Variants in POU2F2 observed in about 807,000 individuals in gnomAD.
POU2F2 encodes POU class 2 homeobox 2.
A neutral mutation model predicts 63.5 loss-of-function variants in POU2F2; 14 were observed. The ratio of observed to expected loss-of-function variants is 0.22; its 90% CI spans 0.15 to 0.34. The LOEUF is 0.34. Among genes scored for constraint, POU2F2 ranks in the 10% least tolerant of loss-of-function variants. The pLI is 1.00. For synonymous variants in POU2F2, 306 were observed against 348.6 expected (o/e 0.88, Z 1.36); for missense variants, 607 against 815.2 (o/e 0.74, Z 3.11).
chr19:42,090,398 C>T lies in POU2F2; in HGVS notation c.*859G>A, dbSNP rs1316497217. 2 of 152,424 alleles carry T rather than the reference C, an allele frequency of 1.3e-5. No individual in the cohort carries two copies. The highest frequency in any genetic ancestry group is 2.9e-5 in the Non-Finnish European group (2 of 68,042). 9.4% of individuals were successfully genotyped at this position (152,424 alleles called of 1,614,324 possible). A position where few individuals can be genotyped will look rare whatever the true frequency, so the allele number is the denominator to read the frequency against. On this transcript the variant is annotated 3_prime_UTR_variant, in exon 15 of 15. Coordinates refer to ENST00000692977, the MANE Select transcript of POU2F2 (RefSeq NM_001394376.1). The surrounding 1 kb of genome is among the most constrained non-coding windows in gnomAD (Gnocchi z 4.4). ...CTAGAACTTGGCAAAATGGCCTAGCCCACCCTTCAAAGGGGAAAAGAGGGA... is the reference window on the plus strand; with the variant it reads ...CTAGAACTTGGCAAAATGGCCTAGCTCACCCTTCAAAGGGGAAAAGAGGGA...
In POU2F2 at chr19:42,117,350, G is replaced by C. The variant is rs145313361; in HGVS notation, c.269C>G (p.Pro90Arg). 3 of 1,532,538 alleles carry C rather than the reference G, an allele frequency of 2.0e-6. No individual in the cohort carries two copies. The highest frequency in any genetic ancestry group is 2.6e-6 in the Non-Finnish European group (3 of 1,151,992). The allele number at this position is 1,532,538 out of a possible 1,614,324, so 94.9% of individuals were successfully genotyped here. A position where few individuals can be genotyped will look rare whatever the true frequency, so the allele number is the denominator to read the frequency against. ...LSPPQIKAED[P>R]SGDSAPAAPL... is the part of the protein sequence containing the mutation. ...TGCTGCTGGGGCTGAATCGCCACTG[G>C]GGTCTTCAGCCTTGATCTGGGGGGG... Residue 90 changes from proline to arginine, a missense_variant, in exon 5 of 15, where the codon CCC becomes CGC. Transcript: ENST00000692977. The surrounding 1 kb of genome is among the most constrained non-coding windows in gnomAD (Gnocchi z 4.4).
At position 42,095,764 on chromosome 19, in the gene POU2F2, G is replaced by A. The variant is rs745479404; in HGVS notation, c.871+24C>T. 1 of 1,613,684 alleles carries A rather than the reference G, an allele frequency of 6.2e-7. No homozygotes were observed. The highest frequency in any genetic ancestry group is 8.5e-7 in the Non-Finnish European group (1 of 1,179,908). On this transcript the variant is annotated intron_variant, in intron 9 of 14. Coordinates refer to ENST00000692977, the MANE Select transcript of POU2F2 (RefSeq NM_001394376.1). This position sits in a 1 kb window ranked among gnomAD's most constrained non-coding sequence, Gnocchi z 7.1. ...CCAGCGGCCACTGCCCGCCCCCTAC[G>A]CGGGAACCCCAGCCTGGTCCCACCT...
intron 5 of POU2F2, among the ~76,000 whole-genome samples, chr19:42,106,264 C>A (rs947487343): frequency 2.0e-5 from 3 of 151,850 alleles, no homozygotes; most frequent in African/African-American, 7.3e-5. Context: ...CCCACCATGC[C>A]CATGCCCAGC....
intron 5 of POU2F2, among the ~76,000 whole-genome samples, chr19:42,106,904 T>G (rs550858135): frequency 1.3e-5 from 2 of 151,880 alleles, no homozygotes; most frequent in East Asian, 3.9e-4. Context: ...TGCATGCCTG[T>G]GGTCCCAGCT....
rs2034580354 is a variant in POU2F2, at chr19:42,162,986, C to A, written c.-69-2594G>T. ...CTCTCAGCATCTCACATTTGTTCGG[C>A]GAGTGTCATCCCATGACACTGCTGT... is the stretch of plus-strand genomic sequence containing the variant. On this transcript the variant is annotated intron_variant, in intron 1 of 6. Coordinates refer to the POU2F2 transcript ENST00000524801. The surrounding 1 kb of genome is among the most constrained non-coding windows in gnomAD (Gnocchi z 4.1). Among the ~76,000 whole-genome samples, 2 of 152,084 alleles carry A rather than the reference C, an allele frequency of 1.3e-5. No individual in the cohort carries two copies. The highest frequency in any genetic ancestry group is 4.8e-5 in the African/African-American group (2 of 41,412).
At chr19:42,110,790 G>C (rs76426135) in intron 5 of POU2F2, 1 of 454,808 alleles carries the variant, frequency 2.2e-6, no homozygotes, top group Non-Finnish European at 4.4e-6. Context: ...AATATGTGTA[G>C]AATGTTTAGC....
intron 2 of POU2F2, among the ~76,000 whole-genome samples, chr19:42,159,767 G>A (rs751489632): frequency 1.3e-5 from 2 of 152,170 alleles, no homozygotes; most frequent in Non-Finnish European, 2.9e-5. Context: ...GCAGCCACAC[G>A]ATTTCAAGGA....
chr19:42,166,671 A>T (rs2034657731), intron 1 of POU2F2, among the ~76,000 whole-genome samples: 1 of 151,826 alleles, frequency 6.6e-6, no homozygotes, highest in East Asian at 1.9e-4. Flanking sequence ...AGTAAGGAGG[A>T]GTTGATTGGA....
Position 42,117,128 on chromosome 19 carries a change from G to T in POU2F2, c.369+122C>A. The stretch of plus-strand genomic sequence containing the variant: ...ACAAGACCTCCTAGAGGACAGAAGA[G>T]GGCAAGAGGCAGGTGTGAGAGAGTG... On this transcript the variant is annotated intron_variant, in intron 5 of 14. Transcript: ENST00000692977. This position sits in a 1 kb window ranked among gnomAD's most constrained non-coding sequence, Gnocchi z 4.4. 2.4e-6 allele frequency: 2 copies of T among 829,204 alleles called. No individual in the cohort carries two copies. Among genetic ancestry groups the T allele is most frequent in the South Asian group, 1.7e-5 (1 of 57,464 alleles). The allele number at this position is 829,204 out of a possible 1,614,324, so 51.4% of individuals were successfully genotyped here.
In POU2F2 at chr19:42,090,492, G is replaced by A. The variant is rs2076677106; in HGVS notation, c.*765C>T. The stretch of plus-strand genomic sequence containing the variant: ...CTCCCCTGCTGGGGGGAGGGAGGAG[G>A]TTAAAGCAAGACCCCCTGCCCAGGT... On this transcript the variant is annotated 3_prime_UTR_variant, in exon 15 of 15. Transcript: ENST00000692977. The surrounding 1 kb of genome is among the most constrained non-coding windows in gnomAD (Gnocchi z 4.4). The A allele has an allele frequency of 6.5e-6, 1 of 152,698 alleles. No individual in the cohort carries two copies. The highest frequency in any genetic ancestry group is 1.5e-5 in the Non-Finnish European group (1 of 68,062). The allele number at this position is 152,698 out of a possible 1,614,324, so 9.5% of individuals were successfully genotyped here.
At chr19:42,091,749 A>G (rs1196156300) in intron 14 of POU2F2, 118 bp downstream of exon 14, 1 of 1,550,032 alleles carries the variant, frequency 6.5e-7, no homozygotes, top group East Asian at 2.4e-5. Flanking sequence ...ATGGGTATGA[A>G]GAGGCAAGCA....
upstream of POU2F2, among the ~76,000 whole-genome samples, chr19:42,179,266 G>A (rs1468327879): frequency 6.6e-6 from 1 of 151,790 alleles, no homozygotes. Flanking sequence ...GGAGAGGAGG[G>A]GAAGAAAGAG....
rs754325888 is a variant in POU2F2 at position 42,092,132 on chromosome 19, G to A, written c.1403C>T (p.Thr468Ile). ...GTGGCTGCCTTGAGGGCTGGGGTTT[G>A]TGCTGTTGGTGGTGGCCGGGGGTGG... The part of the protein sequence containing the change: ...TPPPPATTNS[T>I]NPSPQGSHSA... The change falls in exon 13 of 15, where the codon ACA becomes ATA. Residue 468 changes from threonine to isoleucine, a missense_variant. Coordinates refer to ENST00000692977, the MANE Select transcript of POU2F2 (RefSeq NM_001394376.1). This position sits in a 1 kb window ranked among gnomAD's most constrained non-coding sequence, Gnocchi z 5.0. 4 of 1,587,736 alleles carry A rather than the reference G, an allele frequency of 2.5e-6. No homozygotes were observed. In the Admixed American group the frequency reaches 5.4e-5, roughly 21 times the overall value.
rs747151263 is a variant in POU2F2 at position 42,099,593 on chromosome 19, G to C, written c.501C>G (p.Phe167Leu). ...QPGLLPTPNL[F>L]QLPQQTQGAL... Reference sequence around the variant, plus strand: ...CTCCCTGGGTTTGCTGAGGTAGCTGGAATAGATTTGGTGTCGGTAGCAGGC... The same window carrying C: ...CTCCCTGGGTTTGCTGAGGTAGCTGCAATAGATTTGGTGTCGGTAGCAGGC... Residue 167 changes from phenylalanine to leucine, a missense_variant, in exon 7 of 15, where the codon TTC (phenylalanine) becomes TTG (leucine). Coordinates refer to ENST00000692977, the MANE Select transcript of POU2F2 (RefSeq NM_001394376.1). 2.5e-6 allele frequency: 4 copies of C among 1,614,078 alleles called. No homozygotes were observed. In the Admixed American group the frequency reaches 5.0e-5, roughly 20 times the overall value.
intron 1 of POU2F2, among the ~76,000 whole-genome samples, chr19:42,173,841 A>G (rs1287473884): frequency 6.6e-6 from 1 of 152,152 alleles, no homozygotes; most frequent in African/African-American, 2.4e-5. Flanking sequence ...GACCTCTCCA[A>G]CGGCAAGGAT....
intron 5 of POU2F2, among the ~76,000 whole-genome samples, chr19:42,111,926 A>C (rs1222993919): frequency 6.6e-6 from 1 of 151,800 alleles, no homozygotes; most frequent in Non-Finnish European, 1.5e-5. Context: ...TCTTCTCTGG[A>C]CCCCCAGTGG....
upstream of POU2F2, chr19:42,133,454 G>A (rs1345453630): frequency 1.3e-5 from 2 of 154,694 alleles, no homozygotes; most frequent in East Asian, 3.9e-4. This position sits in a 1 kb window ranked among gnomAD's most constrained non-coding sequence, Gnocchi z 5.1. Context: ...GGTGCCCGAG[G>A]TCTGAGGCTG....
At chr19:42,122,652 A>C (rs2032780784) in intron 1 of POU2F2, 76 bp from the exon 2 acceptor site, 7 of 1,306,398 alleles carry the variant, frequency 5.4e-6, no homozygotes, top group East Asian at 2.5e-5. Context: ...ATTCCACCAC[A>C]CTCCCCAAGC....
chr19:42,135,447 TA>T (rs113732178), upstream of POU2F2, among the ~76,000 whole-genome samples: 377 of 151,868 alleles, frequency 2.5e-3, 5 homozygotes, highest in African/African-American at 8.6e-3. Flanking sequence ...AACAGGATGA[TA>T]GGGGTGGCAG....
Sources: gnomAD v4.1 joint callset for allele counts (sites outside exome capture counted in the v4.1 genomes callset) on GRCh38, gnomAD v4.1.1 for gene constraint, Gnocchi (gnomAD v3.1) non-coding constraint, MANE v1.5 for transcripts, NCBI Gene and HGNC (gene_info 2026-07-23, HGNC 2026-07-21) for gene names.